Variants in CADPS observed in about 807,000 individuals in gnomAD.
CADPS encodes calcium dependent secretion activator.
CADPS carries 57 observed loss-of-function variants against 167.3 expected under a neutral mutation model. The observed-to-expected ratio is 0.34, with a 90% CI of 0.28 to 0.42. The LOEUF (loss-of-function observed/expected upper bound fraction) is 0.42, where lower values mean the gene tolerates loss of function less well. Among genes scored for constraint, CADPS ranks in the 20% least tolerant of loss-of-function variants. The pLI is 1.00. For synonymous variants in CADPS, 676 were observed against 635.3 expected (o/e 1.06, Z -0.96); for missense variants, 1,414 against 1,738.1 (o/e 0.81, Z 3.32).
At chr3:62,490,664 G>A (rs959266815) in intron 21 of CADPS, among the ~76,000 whole-genome samples, 1 of 152,106 alleles carries the variant, frequency 6.6e-6, no homozygotes, top group Non-Finnish European at 1.5e-5. Flanking sequence ...AGGAAAATCC[G>A]GGTTAAACAG....
At chr3:62,702,325 T>C (rs916429168) in intron 3 of CADPS, among the ~76,000 whole-genome samples, 2 of 152,084 alleles carry the variant, frequency 1.3e-5, no homozygotes, top group Non-Finnish European at 1.5e-5. Flanking sequence ...CAGATATAAA[T>C]AAAATGTGGC....
intron 3 of CADPS, among the ~76,000 whole-genome samples, chr3:62,682,108 G>T (rs1401932064): frequency 6.6e-6 from 1 of 152,104 alleles, no homozygotes; most frequent in African/African-American, 2.4e-5. Flanking sequence ...ACAAGGGACA[G>T]AGACAATTTG....
chr3:62,443,136 G>A (rs891236797), intron 27 of CADPS, among the ~76,000 whole-genome samples: 1 of 152,064 alleles, frequency 6.6e-6, no homozygotes, highest in African/African-American at 2.4e-5. Flanking sequence ...GCACTAACTG[G>A]AATTATCTTG....
rs2150643704 is a variant in CADPS, at chr3:62,475,416, G to T, written c.3330-1096C>A. On this transcript the variant is annotated intron_variant, in intron 23 of 29. Coordinates refer to ENST00000383710, the MANE Select transcript of CADPS (RefSeq NM_003716.4). ...ACTGTCAAGTTCTGGAGATCATACA[G>T]CCACCAGGAAAGCATTACTTTAAGA... Among the ~76,000 whole-genome samples, 2 of 152,090 alleles carry T rather than the reference G, an allele frequency of 1.3e-5. 1 individual carries two copies. Among genetic ancestry groups the T allele is most frequent in the Middle Eastern group, 6.8e-3 (2 of 294 alleles).
chr3:62,696,716 C>A (rs2080355040), intron 3 of CADPS, among the ~76,000 whole-genome samples: 1 of 151,988 alleles, frequency 6.6e-6, no homozygotes, highest in Non-Finnish European at 1.5e-5. Context: ...TCTTGATGTT[C>A]GATCCTCTGT....
At position 62,571,015 on chromosome 3, in the gene CADPS, T is replaced by C. The variant is rs369000971; in HGVS notation, c.1578-77A>G. 4.3e-4 allele frequency: 421 copies of C among 980,062 alleles called. 2 individuals carry two copies. In the South Asian group the frequency reaches 5.4e-3, roughly 13 times the overall value. The allele number at this position is 980,062 out of a possible 1,614,324, so 60.7% of individuals were successfully genotyped here. On this transcript the variant is annotated intron_variant, in intron 8 of 29. Coordinates refer to ENST00000383710, the MANE Select transcript of CADPS (RefSeq NM_003716.4). The stretch of plus-strand genomic sequence containing the variant: ...TGTTGAACACACTTTGCCGTGAAGC[T>C]TGGTACTTATAAACAAGGAAACGCA...
intron 28 of CADPS, among the ~76,000 whole-genome samples, chr3:62,415,274 G>A (rs894870556): frequency 1.1e-4 from 17 of 152,154 alleles, no homozygotes; most frequent in African/African-American, 4.1e-4. Flanking sequence ...CGGTTGCTCG[G>A]TGGCTGGGGA....
intron 28 of CADPS, among the ~76,000 whole-genome samples, chr3:62,406,532 C>CT (rs1261539913): frequency 3.9e-5 from 6 of 152,180 alleles, no homozygotes; most frequent in African/African-American, 1.4e-4. Context: ...AAAATATACT[C>CT]TAAGTCTGTA....
chr3:62,585,088 A>T, intron 8 of CADPS, 97 bp downstream of exon 8: 2 of 1,150,214 alleles, frequency 1.7e-6, no homozygotes, highest in Non-Finnish European at 2.6e-6. Context: ...ATTTCCTTCT[A>T]CATAGTTCTC....
In CADPS at chr3:62,491,422, A is replaced by G. The variant is rs777297569; in HGVS notation, c.2943T>C (p.Val981=). Reference sequence around the variant, plus strand: ...ACTCCATCAGATCCACATATCTAACAACAAGTGGGGCAAACAGGTCTTGCA... The same window carrying G: ...ACTCCATCAGATCCACATATCTAACGACAAGTGGGGCAAACAGGTCTTGCA... The part of the protein sequence containing the change: ...KHLQDLFAPL[V]VRYVDLMESS... The change falls in exon 21 of 30, where the codon GTT becomes GTC. Residue 981 remains valine, a synonymous_variant. Coordinates refer to ENST00000383710, the MANE Select transcript of CADPS (RefSeq NM_003716.4). 3 of 1,614,074 alleles carry G rather than the reference A, an allele frequency of 1.9e-6. No homozygotes were observed. The highest frequency in any genetic ancestry group is 2.5e-6 in the Non-Finnish European group (3 of 1,179,922).
At position 62,482,269 on chromosome 3, in the gene CADPS, G is replaced by A. The variant is rs1172682193; in HGVS notation, c.3027-400C>T. ...GTCACTGGGATTGATAGAAATGGTG[G>A]AGCACTTCAATTTTCTTATTTTTAA... On this transcript the variant is annotated intron_variant, in intron 21 of 29. Coordinates refer to ENST00000383710, the MANE Select transcript of CADPS (RefSeq NM_003716.4). 2.0e-5 allele frequency among the ~76,000 whole-genome samples: 3 copies of A among 152,128 alleles called. No homozygotes were observed. In the South Asian group the frequency reaches 6.2e-4, roughly 32 times the overall value.
At position 62,532,993 on chromosome 3, in the gene CADPS, C is replaced by T; in HGVS notation, c.2169G>A (p.Gly723=). Residue 723 remains glycine (G), a synonymous_variant, in exon 13 of 30, where the codon GGG becomes GGA. Transcript: ENST00000383710. ...TGAGGTAGCAGAGATGTCGGTGACA[C>T]CCCCGGACTCCATTTCGGGCGCAAT... is the stretch of plus-strand genomic sequence containing the variant. ...DEYCARNGVR[G]CHRHLCYLRD... is the part of the protein sequence containing the mutation. 1 of 1,613,744 alleles carries T rather than the reference C, an allele frequency of 6.2e-7. No homozygotes were observed. The highest frequency in any genetic ancestry group is 8.5e-7 in the Non-Finnish European group (1 of 1,179,784).
intron 24 of CADPS, 24 bp downstream of exon 24, chr3:62,474,149 C>G (rs751470471): frequency 5.5e-6 from 3 of 540,844 alleles, no homozygotes; most frequent in Non-Finnish European, 5.0e-6. Flanking sequence ...AAAAAAAAAT[C>G]TGTATTTTTT....
intron 28 of CADPS, among the ~76,000 whole-genome samples, chr3:62,407,663 T>C (rs1444835948): frequency 6.6e-6 from 1 of 152,202 alleles, no homozygotes; most frequent in Non-Finnish European, 1.5e-5. Flanking sequence ...GAGTGTCACA[T>C]AGTAAGGACT....
At chr3:62,584,816 T>C (rs2084221151) in intron 8 of CADPS, among the ~76,000 whole-genome samples, 1 of 152,234 alleles carries the variant, frequency 6.6e-6, no homozygotes, top group African/African-American at 2.4e-5. Flanking sequence ...TGTGGGTTGC[T>C]GATTGAGGTG....
At chr3:62,525,381 T>C (rs1419491583) in intron 13 of CADPS, among the ~76,000 whole-genome samples, 2 of 152,136 alleles carry the variant, frequency 1.3e-5, no homozygotes, top group Non-Finnish European at 2.9e-5. Context: ...TCCTATTAAG[T>C]AAAGCTGGCT....
At chr3:62,871,967 G>C (rs572555960) in intron 1 of CADPS, among the ~76,000 whole-genome samples, 2 of 152,242 alleles carry the variant, frequency 1.3e-5, no homozygotes, top group Non-Finnish European at 2.9e-5. Context: ...TTGAAAAAGT[G>C]GTGTGAGTAT....
intron 4 of CADPS, among the ~76,000 whole-genome samples, chr3:62,660,849 G>A (rs555492457): frequency 3.9e-5 from 6 of 152,050 alleles, no homozygotes; most frequent in Non-Finnish European, 7.3e-5. Context: ...TTTGATTAAC[G>A]GAGGCCCGTT....
At chr3:62,573,659 G>A (rs1485659925) in intron 8 of CADPS, among the ~76,000 whole-genome samples, 1 of 152,182 alleles carries the variant, frequency 6.6e-6, no homozygotes, top group Non-Finnish European at 1.5e-5. Flanking sequence ...TGCCTGGGAT[G>A]CCTTCTCCCT....
Sources: allele counts gnomAD v4.1 joint callset (sites outside exome capture counted in the v4.1 genomes callset), GRCh38; gene constraint gnomAD v4.1.1; transcripts MANE v1.5; gene names NCBI Gene and HGNC (gene_info 2026-07-23, HGNC 2026-07-21).